The following LHFPL1 variants were observed in gnomAD, a reference collection of about 807,000 sequenced individuals.
LHFPL1 encodes the protein LHFPL tetraspan subfamily member 1.
Under a neutral mutation model 12.1 loss-of-function variants are expected in LHFPL1, and 4 were observed. That is an observed-to-expected ratio of 0.33 (90% CI 0.16 to 0.76). The LOEUF (loss-of-function observed/expected upper bound fraction) is 0.76. Among genes scored for constraint, LHFPL1 ranks in the 30% least tolerant of loss-of-function variants. LHFPL1 has a pLI of 0.61. For synonymous variants in LHFPL1, 52 were observed against 61.9 expected (o/e 0.84, Z 0.75); for missense variants, 141 against 174.1 (o/e 0.81, Z 1.07).
At chrX:112,678,810 G>C (rs1931724811) in intron 1 of LHFPL1, among the ~76,000 whole-genome samples, 1 of 111,656 alleles carries the variant, frequency 9.0e-6, no homozygotes, top group South Asian at 3.8e-4. Flanking sequence ...TATTCTAATG[G>C]GAACTAATGA....
intron 2 of LHFPL1, among the ~76,000 whole-genome samples, chrX:112,667,619 C>A (rs948226143): frequency 8.9e-6 from 1 of 112,550 alleles, no homozygotes; most frequent in Non-Finnish European, 1.9e-5. Context: ...AAGCATCTTG[C>A]ATATGTATAA....
chrX:112,649,247 T>C (rs1343768327), intron 3 of LHFPL1, among the ~76,000 whole-genome samples: 1 of 112,484 alleles, frequency 8.9e-6, no homozygotes, highest in Admixed American at 9.4e-5. Context: ...ATTTGCTTTA[T>C]ATTTGGACCA....
chrX:112,662,794 A>C (rs1483478089), intron 2 of LHFPL1, among the ~76,000 whole-genome samples: 2 of 111,969 alleles, frequency 1.8e-5, no homozygotes, highest in African/African-American at 6.5e-5. Context: ...AAATCCTAGG[A>C]TATGAAGAGG....
chrX:112,665,532 T>C (rs761272987), intron 2 of LHFPL1, among the ~76,000 whole-genome samples: 3 of 111,560 alleles, frequency 2.7e-5, no homozygotes, highest in Non-Finnish European at 5.6e-5. Flanking sequence ...GCTGGGAACT[T>C]TTCTAATCTC....
At chrX:112,643,986 C>T (rs145468886) in intron 3 of LHFPL1, among the ~76,000 whole-genome samples, 2,283 of 112,049 alleles carry the variant, frequency 0.02, 50 homozygotes, top group African/African-American at 0.071. Flanking sequence ...GCTTAAGTTG[C>T]CTTTTAACTG....
intron 3 of LHFPL1, among the ~76,000 whole-genome samples, chrX:112,633,043 T>C (rs1930233985): frequency 8.9e-6 from 1 of 112,380 alleles, no homozygotes; most frequent in Non-Finnish European, 1.9e-5. Context: ...CCGGAATGTA[T>C]CCGTATACTC....
At position 112,631,313 on chromosome X, in the gene LHFPL1, A is replaced by G. The variant is rs1209291765; in HGVS notation, c.*107T>C. Reference sequence around the variant, plus strand: ...CAATTAGTTTAAAAAGCATGCAAACACTAGGCTATGCTAATGACAGTCAGA... The same window carrying G: ...CAATTAGTTTAAAAAGCATGCAAACGCTAGGCTATGCTAATGACAGTCAGA... On this transcript the variant is annotated 3_prime_UTR_variant, in exon 4 of 4. Coordinates refer to ENST00000371968, the MANE Select transcript of LHFPL1 (RefSeq NM_178175.4). 1.5e-5 allele frequency: 10 copies of G among 663,819 alleles called. No individual in the cohort carries two copies. Among genetic ancestry groups the G allele is most frequent in the Non-Finnish European group, 2.2e-5 (10 of 448,658 alleles). 54.7% of individuals were successfully genotyped at this position (663,819 alleles called of 1,213,427 possible).
intron 3 of LHFPL1, among the ~76,000 whole-genome samples, chrX:112,656,091 A>T (rs762672213): frequency 1.6e-3 from 183 of 111,920 alleles, no homozygotes; most frequent in Non-Finnish European, 2.8e-3. Flanking sequence ...ATCCCTAATA[A>T]ATATAGATGC....
intron 3 of LHFPL1, among the ~76,000 whole-genome samples, chrX:112,658,665 A>AT (rs758729945): frequency 5.3e-4 from 59 of 111,266 alleles, no homozygotes; most frequent in African/African-American, 1.8e-3. Flanking sequence ...AATTGAAACC[A>AT]TTGTACATTG....
At chrX:112,672,977 T>C (rs1364792133) in intron 1 of LHFPL1, among the ~76,000 whole-genome samples, 1 of 111,536 alleles carries the variant, frequency 9.0e-6, no homozygotes, top group Non-Finnish European at 1.9e-5. Flanking sequence ...CATCAGAACC[T>C]GAAACCTGAT....
chrX:112,664,309 A>G (rs1931269882), intron 2 of LHFPL1, among the ~76,000 whole-genome samples: 1 of 111,913 alleles, frequency 8.9e-6, no homozygotes, highest in Admixed American at 9.5e-5. Flanking sequence ...AGAAAAATTT[A>G]TTATTCTTAT....
intron 1 of LHFPL1, among the ~76,000 whole-genome samples, chrX:112,676,669 C>A (rs1455191334): frequency 8.9e-6 from 1 of 112,180 alleles, no homozygotes; most frequent in Non-Finnish European, 1.9e-5. Flanking sequence ...TCACCTCAAC[C>A]TATATGATGC....
intron 1 of LHFPL1, among the ~76,000 whole-genome samples, chrX:112,678,415 C>T (rs980747410): frequency 8.9e-6 from 1 of 111,903 alleles, no homozygotes; most frequent in Non-Finnish European, 1.9e-5. Flanking sequence ...CGAGTTCTAT[C>T]TCACACTCTC....
chrX:112,642,320 G>A (rs1383429475), intron 3 of LHFPL1, among the ~76,000 whole-genome samples: 1 of 100,868 alleles, frequency 9.9e-6, no homozygotes, highest in Non-Finnish European at 2.0e-5. Context: ...AGACCAGCCT[G>A]GGCAACATGG....
intron 3 of LHFPL1, among the ~76,000 whole-genome samples, chrX:112,647,052 G>C (rs1037326245): frequency 1.8e-5 from 2 of 111,805 alleles, no homozygotes; most frequent in African/African-American, 6.5e-5. Context: ...CCATGGTTGA[G>C]TTTTTTAGGG....
chrX:112,657,903 C>G (rs1323636167), intron 3 of LHFPL1, among the ~76,000 whole-genome samples: 7 of 66,729 alleles, frequency 1.0e-4, no homozygotes, highest in Non-Finnish European at 1.7e-4. Context: ...ACACCTAAAA[C>G]AGAAGCAAAA....
rs184882440 is a variant in LHFPL1, at chrX:112,679,124, C to T, written c.-15+705G>A. Among the ~76,000 whole-genome samples the T allele has an allele frequency of 3.0e-3, 336 of 111,134 alleles. 2 individuals are homozygous for T. The highest frequency in any genetic ancestry group is 5.0e-3 in the Non-Finnish European group (264 of 53,012). On this transcript the variant is annotated intron_variant, in intron 1 of 3. Coordinates refer to ENST00000371968, the MANE Select transcript of LHFPL1 (RefSeq NM_178175.4). ...TTAGAACATCTCTCCTTTCCCCTTTCTCTCCCCACAACCACTCCATGGGTG... is the reference window on the plus strand; with the variant it reads ...TTAGAACATCTCTCCTTTCCCCTTTTTCTCCCCACAACCACTCCATGGGTG...
chrX:112,650,762 A>G (rs1368958169), intron 3 of LHFPL1, among the ~76,000 whole-genome samples: 1 of 111,750 alleles, frequency 8.9e-6, no homozygotes, highest in Non-Finnish European at 1.9e-5. Flanking sequence ...AAATTACATC[A>G]GATTAATTAA....
chrX:112,649,284 T>C (rs1468684885), intron 3 of LHFPL1, among the ~76,000 whole-genome samples: 6 of 112,236 alleles, frequency 5.3e-5, no homozygotes, highest in African/African-American at 1.9e-4. Flanking sequence ...TTTTATTGCA[T>C]GTTTGTTTAC....
Sources: allele counts gnomAD v4.1 joint callset (sites outside exome capture counted in the v4.1 genomes callset), GRCh38; gene constraint gnomAD v4.1.1; transcripts MANE v1.5; gene names NCBI Gene and HGNC (gene_info 2026-07-23, HGNC 2026-07-21).